SLC27A4: variants seen among roughly 807,000 people sequenced by gnomAD.
SLC27A4 encodes the protein long-chain fatty acid transport protein 4.
SLC27A4 carries 33 observed loss-of-function variants against 64.4 expected under a neutral mutation model. The ratio of observed to expected loss-of-function variants is 0.51; its 90% CI spans 0.39 to 0.68. SLC27A4 has a LOEUF of 0.68. Ranked by LOEUF, SLC27A4 falls within the 30% of genes least tolerant of loss-of-function variation. SLC27A4 has a pLI of 0.00. For missense variants in SLC27A4, 824 were observed against 883.5 expected, an observed-to-expected ratio of 0.93 and a Z score of 0.85; for synonymous variants, 377 against 370.0, an observed-to-expected ratio of 1.02 and a Z score of -0.22.
Position 128,345,469 on chromosome 9 carries a change from A to G in SLC27A4, c.476A>G (p.Asn159Ser), listed in dbSNP as rs1313962471. ...GTGGAGGCAGCCCTCATCAACACCA[A>G]CCTGCGGCGGGATGCTCTGCTCCAC... Reference protein sequence around the residue: ...LGVEAALINTNLRRDALLHCL... With the variant: ...LGVEAALINTSLRRDALLHCL... Residue 159 changes from asparagine (N) to serine (S), a missense_variant, in exon 3 of 13, where the codon AAC (asparagine) becomes AGC (serine). Transcript: ENST00000300456. This position sits in a 1 kb window ranked among gnomAD's most constrained non-coding sequence, Gnocchi z 4.1. 12 of 1,613,012 alleles carry G rather than the reference A, an allele frequency of 7.4e-6. No individual in the cohort carries two copies. Among genetic ancestry groups the G allele is most frequent in the South Asian group, 1.1e-5 (1 of 91,054 alleles).
chr9:128,351,104 AAAG>A (rs1284693142), intron 6 of SLC27A4, among the ~76,000 whole-genome samples: 1 of 151,988 alleles, frequency 6.6e-6, no homozygotes, highest in Non-Finnish European at 1.5e-5. Context: ...GAAAAAAAAA[AAAG>A]AAAGAAATTA....
In SLC27A4 at chr9:128,353,082, G is replaced by C; in HGVS notation, c.1045G>C (p.Ala349Pro). 1 of 1,614,140 alleles carries C rather than the reference G, an allele frequency of 6.2e-7. No individual in the cohort carries two copies. Among genetic ancestry groups the C allele is most frequent in the South Asian group, 1.1e-5 (1 of 91,084 alleles). ...CCTCCTGAACCAGCCACCGCGGGAG[G>C]CAGAAAACCAGCACCAGGTTCGCAT... is the stretch of plus-strand genomic sequence containing the variant. ...RYLLNQPPREAENQHQVRMAL... is the reference protein window; with the variant it reads ...RYLLNQPPREPENQHQVRMAL... Residue 349 changes from alanine to proline, a missense_variant, in exon 8 of 13, where the codon GCA becomes CCA. Transcript: ENST00000300456. This position sits in a 1 kb window ranked among gnomAD's most constrained non-coding sequence, Gnocchi z 4.9.
At chr9:128,355,982 C>A (rs1832815065) in intron 12 of SLC27A4, among the ~76,000 whole-genome samples, 186 bp downstream of exon 12, 1 of 152,146 alleles carries the variant, frequency 6.6e-6, no homozygotes, top group Admixed American at 6.5e-5. Flanking sequence ...CTTAGTAGAA[C>A]ACATATTAGG....
At chr9:128,358,793 C>T (rs970999911) in intron 12 of SLC27A4, among the ~76,000 whole-genome samples, 5 of 152,288 alleles carry the variant, frequency 3.3e-5, no homozygotes, top group Admixed American at 1.3e-4. Flanking sequence ...TCATATTGGA[C>T]GGCGCCGGTC....
intron 1 of SLC27A4, among the ~76,000 whole-genome samples, chr9:128,341,426 C>T (rs1252961609): frequency 4.6e-5 from 7 of 152,212 alleles, no homozygotes; most frequent in African/African-American, 1.7e-4. Flanking sequence ...TCAAGTCATT[C>T]GCCTTCCCCT....
intron 7 of SLC27A4, 57 bp downstream of exon 7, chr9:128,352,804 C>G: frequency 7.4e-7 from 1 of 1,356,080 alleles, no homozygotes; most frequent in Non-Finnish European, 1.1e-6. Flanking sequence ...CTCTTCCCAA[C>G]TACACTCCGG....
rs563695803 is a variant in SLC27A4, at chr9:128,352,551, T to C, written c.878-87T>C. The C allele has an allele frequency of 1.3e-4, 137 of 1,084,452 alleles. No homozygotes were observed. In the African/African-American group the frequency reaches 1.9e-3, roughly 15 times the overall value. 67.2% of individuals were successfully genotyped at this position (1,084,452 alleles called of 1,614,324 possible). ...AGAAGCCTGCAGGGCAGCACAAGCC[T>C]GCCTGGCTGGATGGCAGTATCACTG... On this transcript the variant is annotated intron_variant, in intron 6 of 12. Coordinates refer to ENST00000300456, the MANE Select transcript of SLC27A4 (RefSeq NM_005094.4).
chr9:128,345,357 G>A lies in SLC27A4; in HGVS notation c.364G>A (p.Gly122Ser), dbSNP rs747027095. ...TGTAGCCAACTTCCTGCAGGCCCGG[G>A]GCCTGGCCTCGGGCGATGTGGCTGC... ...SSVANFLQAR[G>S]LASGDVAAIF... Residue 122 changes from glycine (G) to serine (S), a missense_variant, in exon 3 of 13, where the codon GGC (glycine) becomes AGC (serine). Physicochemically the swap from Gly to Ser is moderately conservative, Grantham distance 56. Transcript: ENST00000300456. This position sits in a 1 kb window ranked among gnomAD's most constrained non-coding sequence, Gnocchi z 4.1. 1.2e-6 allele frequency: 2 copies of A among 1,613,800 alleles called. No homozygotes were observed. The highest frequency in any genetic ancestry group is 1.7e-6 in the Non-Finnish European group (2 of 1,180,002).
chr9:128,349,127 G>A (rs1296123453), intron 4 of SLC27A4, among the ~76,000 whole-genome samples: 2 of 152,144 alleles, frequency 1.3e-5, no homozygotes, highest in South Asian at 4.1e-4. Context: ...AGGATCTCCA[G>A]CTGTGATCCT....
chr9:128,342,115 C>T (rs1229231460), intron 1 of SLC27A4: 4 of 781,194 alleles, frequency 5.1e-6, no homozygotes, highest in Non-Finnish European at 9.0e-6. Flanking sequence ...AGTGAACTGT[C>T]ATGTTTTGGC....
chr9:128,342,047 T>C, intron 1 of SLC27A4: 1 of 575,210 alleles, frequency 1.7e-6, no homozygotes. Context: ...AGCCAGAGGC[T>C]CTTAAGTCAG....
Position 128,350,319 on chromosome 9 carries a change from G to A in SLC27A4, c.723G>A (p.Leu241=), listed in dbSNP as rs754515886. 3 of 1,612,888 alleles carry A rather than the reference G, an allele frequency of 1.9e-6. No homozygotes were observed. The Admixed American group carries it at 5.0e-5, about 27-fold the overall frequency. The change falls in exon 5 of 13, where the codon CTG becomes CTA. Residue 241 remains leucine, a synonymous_variant. Transcript: ENST00000300456. ...SCPDKGFTDK[L]FYIYTSGTTG... ...CGCGTCTGTTTTCTTTAGATAAACT[G>A]TTCTACATCTACACATCCGGCACCA... is the stretch of plus-strand genomic sequence containing the variant.
At chr9:128,349,417 T>C (rs1398237221) in intron 4 of SLC27A4, among the ~76,000 whole-genome samples, 1 of 152,154 alleles carries the variant, frequency 6.6e-6, no homozygotes, top group Non-Finnish European at 1.5e-5. Flanking sequence ...CAGAACCTAC[T>C]CTATGGGGTA....
intron 12 of SLC27A4, among the ~76,000 whole-genome samples, chr9:128,356,242 G>A (rs1832818635): frequency 6.6e-6 from 1 of 152,234 alleles, no homozygotes; most frequent in African/African-American, 2.4e-5. Context: ...GGAGGGGATG[G>A]TTCAGCTGAG....
chr9:128,352,609 A>T, intron 6 of SLC27A4, 29 bp from the exon 7 acceptor site: 1 of 1,565,452 alleles, frequency 6.4e-7, no homozygotes, highest in Non-Finnish European at 8.8e-7. Context: ...CATCTCGCTG[A>T]CCCTCAGGGG....
chr9:128,360,331 C>T lies in SLC27A4; in HGVS notation c.1775-3C>T, dbSNP rs1238405804. The stretch of plus-strand genomic sequence containing the variant: ...CACTGAGTCTTCTTCCCTGCTCTCC[C>T]AGGAACCTACAAGTTCCAGAAGACA... On this transcript the variant is annotated splice_region_variant and splice_polypyrimidine_tract_variant and intron_variant, in intron 12 of 12. Transcript: ENST00000300456. 2 of 1,613,968 alleles carry T rather than the reference C, an allele frequency of 1.2e-6. No individual in the cohort carries two copies. Among genetic ancestry groups the T allele is most frequent in the East Asian group, 2.2e-5 (1 of 44,896 alleles).
chr9:128,356,574 C>T (rs772447833), intron 12 of SLC27A4, among the ~76,000 whole-genome samples: 17 of 152,150 alleles, frequency 1.1e-4, no homozygotes, highest in Non-Finnish European at 2.2e-4. Context: ...GAGGCCAAGG[C>T]GGGCAGATCA....
Position 128,353,657 on chromosome 9 carries a change from G to A in SLC27A4, c.1324+116G>A. 8.5e-6 allele frequency: 9 copies of A among 1,063,644 alleles called. No homozygotes were observed. The highest frequency in any genetic ancestry group is 2.4e-5 in the East Asian group (1 of 41,308). 65.9% of individuals were successfully genotyped at this position (1,063,644 alleles called of 1,614,324 possible). On this transcript the variant is annotated intron_variant, in intron 9 of 12. Transcript: ENST00000300456. This position sits in a 1 kb window ranked among gnomAD's most constrained non-coding sequence, Gnocchi z 4.9. Reference sequence around the variant, plus strand: ...GGCCATCAGTTATCTCTGCTCTTAGGGTTACAAGTTACTCATTTATTTGTG... The same window carrying A: ...GGCCATCAGTTATCTCTGCTCTTAGAGTTACAAGTTACTCATTTATTTGTG...
Position 128,348,722 on chromosome 9 carries a change from C to T in SLC27A4, c.715+19C>T. 6.2e-7 allele frequency: 1 copy of T among 1,611,676 alleles called. No individual in the cohort carries two copies. The highest frequency in any genetic ancestry group is 8.5e-7 in the Non-Finnish European group (1 of 1,178,346). ...TTCACAGGTGGGCTCCATCCCCTCC[C>T]CATAGAGGGGCTCTCACACAGGCCC... is the stretch of plus-strand genomic sequence containing the variant. On this transcript the variant is annotated intron_variant, in intron 4 of 12. Transcript: ENST00000300456.
Sources: gnomAD v4.1 joint callset for allele counts (sites outside exome capture counted in the v4.1 genomes callset) on GRCh38, gnomAD v4.1.1 for gene constraint, Gnocchi (gnomAD v3.1) non-coding constraint, MANE v1.5 for transcripts, NCBI Gene and HGNC (gene_info 2026-07-23, HGNC 2026-07-21) for gene names.